The following TBC1D19 variants were observed in gnomAD, a reference collection of about 807,000 sequenced individuals.
The protein encoded by TBC1D19 is TBC1 domain family, member 19.
A neutral mutation model predicts 89.0 loss-of-function variants in TBC1D19; 60 were observed. That is an observed-to-expected ratio of 0.67 (90% CI 0.55 to 0.84). The LOEUF is 0.84. Among genes scored for constraint, TBC1D19 ranks in the 40% least tolerant of loss-of-function variants. The probability of loss-of-function intolerance (pLI) is 0.00; values close to 1 mark genes in which losing one functional copy is unlikely to be tolerated. For synonymous variants in TBC1D19, 189 were observed against 199.7 expected (o/e 0.95, Z 0.45); for missense variants, 500 against 610.8 (o/e 0.82, Z 1.91).
At chr4:26,598,645 C>T (rs1161072104) in intron 1 of TBC1D19, among the ~76,000 whole-genome samples, 3 of 152,298 alleles carry the variant, frequency 2.0e-5, no homozygotes, top group Non-Finnish European at 4.4e-5. Context: ...CCGCCCGCCT[C>T]GGCCGCCCAA....
At chr4:26,711,867 T>G (rs939314744) in intron 13 of TBC1D19, among the ~76,000 whole-genome samples, 1 of 152,014 alleles carries the variant, frequency 6.6e-6, no homozygotes, top group Non-Finnish European at 1.5e-5. Flanking sequence ...AGAATAAGAG[T>G]TGGCAGCTCT....
chr4:26,848,989 T>C, the TBC1D19 span, among the ~76,000 whole-genome samples: 3 of 152,050 alleles, frequency 2.0e-5, no homozygotes, highest in Non-Finnish European at 4.4e-5. Flanking sequence ...GTCCCGGAGT[T>C]TGAGACCCTG....
At chr4:26,793,162 A>G in the TBC1D19 span, among the ~76,000 whole-genome samples, 1 of 152,178 alleles carries the variant, frequency 6.6e-6, no homozygotes, top group African/African-American at 2.4e-5. Context: ...GGAAGTCAGG[A>G]ACAGTGAGGG....
intron 15 of TBC1D19, among the ~76,000 whole-genome samples, chr4:26,733,179 A>G (rs987234713): frequency 4.6e-5 from 7 of 152,248 alleles, no homozygotes; most frequent in African/African-American, 1.7e-4. Context: ...ATACCAGCTC[A>G]GAATAATTTG....
chr4:26,630,395 GA>G (rs1742732869), intron 4 of TBC1D19, among the ~76,000 whole-genome samples: 1 of 151,996 alleles, frequency 6.6e-6, no homozygotes, highest in East Asian at 1.9e-4. Flanking sequence ...TGAAAGCTTT[GA>G]ATTTATTTTG....
the TBC1D19 span, among the ~76,000 whole-genome samples, chr4:26,831,327 A>T: frequency 6.6e-6 from 1 of 152,226 alleles, no homozygotes; most frequent in East Asian, 1.9e-4. Flanking sequence ...GCGGTCATCA[A>T]ACTTTTCTCA....
the TBC1D19 span, among the ~76,000 whole-genome samples, chr4:26,841,521 G>C: frequency 6.6e-6 from 1 of 152,108 alleles, no homozygotes; most frequent in African/African-American, 2.4e-5. Context: ...TGGGACAACT[G>C]ACTCTTGGAA....
chr4:26,826,257 A>C, the TBC1D19 span, among the ~76,000 whole-genome samples: 1 of 152,180 alleles, frequency 6.6e-6, no homozygotes. Context: ...TAAAAGAACA[A>C]TTTAATTCCC....
In TBC1D19 at chr4:26,626,995, C is replaced by T. The variant is rs893338672; in HGVS notation, c.294+6307C>T. Among the ~76,000 whole-genome samples, 35 of 151,504 alleles carry T rather than the reference C, an allele frequency of 2.3e-4. No individual in the cohort carries two copies. In the East Asian group the frequency reaches 5.8e-3, roughly 25 times the overall value. The stretch of plus-strand genomic sequence containing the variant: ...TGCTGGTGTGCTGCACCCATTAACT[C>T]GTCATTTAGCATTAGGTATATCTCC... On this transcript the variant is annotated intron_variant, in intron 4 of 20. Transcript: ENST00000264866.
At chr4:26,666,934 T>C (rs933811038) in intron 9 of TBC1D19, among the ~76,000 whole-genome samples, 1 of 151,976 alleles carries the variant, frequency 6.6e-6, no homozygotes, top group South Asian at 2.1e-4. Flanking sequence ...CCCCGTATTG[T>C]AGTGGAAATA....
chr4:26,840,564 C>T, the TBC1D19 span, among the ~76,000 whole-genome samples: 1 of 152,010 alleles, frequency 6.6e-6, no homozygotes, highest in African/African-American at 2.4e-5. Flanking sequence ...TCCCCTGGCC[C>T]CCATACCTAC....
chr4:26,697,199 CA>C (rs1291735292), intron 13 of TBC1D19, among the ~76,000 whole-genome samples: 110 of 152,268 alleles, frequency 7.2e-4, no homozygotes, highest in Non-Finnish European at 1.0e-3. Context: ...CACAGAAATA[CA>C]AACTACCATC....
intron 8 of TBC1D19, among the ~76,000 whole-genome samples, chr4:26,665,558 A>G (rs1261094665): frequency 6.6e-6 from 1 of 152,072 alleles, no homozygotes; most frequent in Non-Finnish European, 1.5e-5. Flanking sequence ...AGTCTGGAGA[A>G]TAAATCTGAT....
At chr4:26,627,268 T>A (rs1435485252) in intron 4 of TBC1D19, among the ~76,000 whole-genome samples, 1 of 152,162 alleles carries the variant, frequency 6.6e-6, no homozygotes, top group African/African-American at 2.4e-5. Context: ...ATGTGCCACA[T>A]TTTCTTAATC....
intron 8 of TBC1D19, among the ~76,000 whole-genome samples, chr4:26,665,881 C>T (rs1030707841): frequency 3.3e-5 from 5 of 151,934 alleles, no homozygotes; most frequent in Non-Finnish European, 7.4e-5. Context: ...AAGGCAAAAT[C>T]AAGAACTGTT....
intron 7 of TBC1D19, among the ~76,000 whole-genome samples, chr4:26,656,584 A>G (rs1464520224): frequency 6.7e-6 from 1 of 148,690 alleles, no homozygotes; most frequent in African/African-American, 2.5e-5. Context: ...TTTGAGATGG[A>G]GTGTTGCTCT....
At chr4:26,665,917 TGGCAGCACTCATTGGTCAAAA>T (rs1177256508) in intron 8 of TBC1D19, among the ~76,000 whole-genome samples, 1 of 152,016 alleles carries the variant, frequency 6.6e-6, no homozygotes, top group Non-Finnish European at 1.5e-5. Flanking sequence ...TTTTAAACAA[TGGCAGCACTCATTGGTCAAAA>T]GGCAAGAAGT....
chr4:26,706,140 A>G (rs1198654953), intron 13 of TBC1D19, among the ~76,000 whole-genome samples: 1 of 152,200 alleles, frequency 6.6e-6, no homozygotes, highest in Non-Finnish European at 1.5e-5. Context: ...TAGTAGAATT[A>G]ACCAGTGAAG....
chr4:26,735,944 G>C (rs966681289), intron 16 of TBC1D19, among the ~76,000 whole-genome samples: 1 of 148,162 alleles, frequency 6.7e-6, no homozygotes, highest in Non-Finnish European at 1.5e-5. Flanking sequence ...TTACACTGTT[G>C]GTGGGACTGT....
Sources: gnomAD v4.1 joint callset for allele counts (sites outside exome capture counted in the v4.1 genomes callset) on GRCh38, gnomAD v4.1.1 for gene constraint, MANE v1.5 for transcripts, NCBI Gene and HGNC (gene_info 2026-07-23, HGNC 2026-07-21) for gene names.